The following TLN2 variants were observed in gnomAD, a reference collection of about 807,000 sequenced individuals.
TLN2 encodes the protein talin-2.
In TLN2, 118 loss-of-function variants were observed where a neutral mutation model predicts 294.7. That is an observed-to-expected ratio of 0.40 (90% CI 0.34 to 0.47). TLN2 has a LOEUF of 0.47. Among genes scored for constraint, TLN2 ranks in the 20% least tolerant of loss-of-function variants. The pLI, the probability that TLN2 is intolerant of heterozygous loss-of-function variation, is 0.84. For missense variants in TLN2, 3,083 were observed against 3,282.2 expected (o/e 0.94, Z 1.48); for synonymous variants, 1,431 against 1,304.5 (o/e 1.10, Z -2.09).
At chr15:62,490,163 T>A (rs1349309130) in intron 1 of TLN2, among the ~76,000 whole-genome samples, 1 of 152,244 alleles carries the variant, frequency 6.6e-6, no homozygotes, top group African/African-American at 2.4e-5. Flanking sequence ...TTTACTATTA[T>A]AAGCATTGTT....
chr15:62,731,873 G>A (rs1182196133), intron 28 of TLN2, among the ~76,000 whole-genome samples: 1 of 152,106 alleles, frequency 6.6e-6, no homozygotes, highest in Non-Finnish European at 1.5e-5. Flanking sequence ...ATCACTACAA[G>A]CAAAATCCTC....
intron 1 of TLN2, among the ~76,000 whole-genome samples, chr15:62,491,337 AATATAT>A (rs769670199): frequency 3.1e-4 from 36 of 114,980 alleles, no homozygotes; most frequent in African/African-American, 9.0e-4. Context: ...AAAAAAAAAA[AATATAT>A]ATATATATAC....
intron 44 of TLN2, among the ~76,000 whole-genome samples, chr15:62,782,997 G>A (rs2064315250): frequency 6.6e-6 from 1 of 152,200 alleles, no homozygotes; most frequent in Admixed American, 6.5e-5. Context: ...TCCAGAGGAA[G>A]AGGAAACACT....
rs570869418 is a variant in TLN2, at chr15:62,647,260, C to T, written c.-36-15C>T. 4 of 1,579,720 alleles carry T rather than the reference C, an allele frequency of 2.5e-6. No homozygotes were observed. The African/African-American group carries it at 4.1e-5, about 16-fold the overall frequency. ...TTATCGTGAACATCAGGGTTTGTCTCTTTGTGTTTTCCAGACATTCTAAGT... is the reference window on the plus strand; with the variant it reads ...TTATCGTGAACATCAGGGTTTGTCTTTTTGTGTTTTCCAGACATTCTAAGT... On this transcript the variant is annotated splice_polypyrimidine_tract_variant and intron_variant, in intron 3 of 58. Transcript: ENST00000636159.
intron 57 of TLN2, among the ~76,000 whole-genome samples, 165 bp from the exon 58 acceptor site, chr15:62,838,691 C>T (rs191475569): frequency 9.0e-4 from 134 of 148,652 alleles, no homozygotes; most frequent in Non-Finnish European, 1.6e-3. Context: ...GCAGAATCCA[C>T]GGATGGATGG....
At chr15:62,399,708 C>T (rs2032875784) in intron 1 of TLN2, among the ~76,000 whole-genome samples, 1 of 152,212 alleles carries the variant, frequency 6.6e-6, no homozygotes, top group African/African-American at 2.4e-5. Flanking sequence ...TGCATGGGGC[C>T]TGGAGCCCCT....
intron 22 of TLN2, 104 bp from the exon 23 acceptor site, chr15:62,716,227 T>A (rs917958795): frequency 7.9e-7 from 1 of 1,272,536 alleles, no homozygotes; most frequent in Non-Finnish European, 1.0e-6. Flanking sequence ...CATTTGACTA[T>A]CCTTGCAAAT....
chr15:62,752,235 T>C (rs2140998396), intron 34 of TLN2, 70 bp from the exon 35 acceptor site: 3 of 1,559,796 alleles, frequency 1.9e-6, no homozygotes, highest in South Asian at 2.4e-5. Flanking sequence ...AAAGTTGGAG[T>C]GTAGCCTCCT....
At position 62,550,382 on chromosome 15, in the gene TLN2, T is replaced by C. The variant is rs189156382; in HGVS notation, c.-237-39305T>C. 1.1e-4 allele frequency among the ~76,000 whole-genome samples: 16 copies of C among 152,276 alleles called. No homozygotes were observed. The East Asian group carries it at 2.1e-3, about 20-fold the overall frequency. ...TTCAGGTTCCAAACTTCAAGTGCAA[T>C]TCTTAGTCTGCAAGTCGGCCTCCCA... On this transcript the variant is annotated intron_variant, in intron 1 of 58. Coordinates refer to ENST00000636159, the MANE Select transcript of TLN2 (RefSeq NM_015059.3).
chr15:62,585,785 T>C (rs147594566), intron 1 of TLN2, among the ~76,000 whole-genome samples: 2 of 152,338 alleles, frequency 1.3e-5, no homozygotes, highest in East Asian at 3.9e-4. Flanking sequence ...ATAGGCATTT[T>C]AAACAGGTAG....
chr15:62,766,818 T>C (rs533693163), intron 41 of TLN2, among the ~76,000 whole-genome samples: 122 of 152,270 alleles, frequency 8.0e-4, no homozygotes, highest in African/African-American at 2.8e-3. Context: ...TAAGGGTACA[T>C]TATTCTTTTG....
intron 1 of TLN2, among the ~76,000 whole-genome samples, chr15:62,410,966 A>G (rs1172316580): frequency 2.0e-5 from 3 of 152,154 alleles, no homozygotes; most frequent in African/African-American, 7.2e-5. Context: ...GGGTACATCC[A>G]TGTGCTTGCT....
chr15:62,537,217 G>A (rs982724833), intron 1 of TLN2, among the ~76,000 whole-genome samples: 2 of 151,822 alleles, frequency 1.3e-5, no homozygotes, highest in African/African-American at 2.4e-5. Flanking sequence ...ATGGGGTTTC[G>A]CCGTGTTAGC....
At chr15:62,504,324 G>T (rs1002141092) in intron 1 of TLN2, among the ~76,000 whole-genome samples, 1 of 152,196 alleles carries the variant, frequency 6.6e-6, no homozygotes, top group African/African-American at 2.4e-5. Flanking sequence ...AAATCAACAA[G>T]CTGATTCTAA....
intron 43 of TLN2, among the ~76,000 whole-genome samples, chr15:62,780,886 G>T (rs370440771): frequency 1.9e-4 from 29 of 152,016 alleles, no homozygotes; most frequent in African/African-American, 7.0e-4. Context: ...AAGACTTGGC[G>T]GAAACATCAC....
chr15:62,812,690 G>A lies in TLN2; in HGVS notation c.6771+2658G>A, dbSNP rs150546906. ...TCCCAGTATCCGGGAATGAGGTGTT[G>A]GATCTGCTCAAGTGCTTCCTTTCTT... On this transcript the variant is annotated intron_variant, in intron 52 of 58. Transcript: ENST00000636159. 7.9e-5 allele frequency among the ~76,000 whole-genome samples: 12 copies of A among 152,146 alleles called. 1 individual carries two copies. The highest frequency in any genetic ancestry group is 2.9e-4 in the African/African-American group (12 of 41,536).
intron 11 of TLN2, among the ~76,000 whole-genome samples, chr15:62,675,733 T>C (rs1056843490): frequency 6.6e-6 from 1 of 152,202 alleles, no homozygotes; most frequent in Non-Finnish European, 1.5e-5. Flanking sequence ...TTGTATACTT[T>C]AAGACAGGGC....
chr15:62,655,577 T>C (rs2053113690), intron 7 of TLN2, among the ~76,000 whole-genome samples: 1 of 11,772 alleles, frequency 8.5e-5, no homozygotes, highest in Non-Finnish European at 4.2e-3. Flanking sequence ...TATTATACAT[T>C]CATTGTAGCA....
intron 23 of TLN2, 147 bp downstream of exon 23, chr15:62,716,606 A>C: frequency 1.8e-6 from 2 of 1,129,212 alleles, no homozygotes; most frequent in Non-Finnish European, 2.4e-6. Flanking sequence ...GTACTATAAA[A>C]GCATTGACTC....
Sources: allele counts gnomAD v4.1 joint callset (sites outside exome capture counted in the v4.1 genomes callset), GRCh38; gene constraint gnomAD v4.1.1; transcripts MANE v1.5; gene names NCBI Gene and HGNC (gene_info 2026-07-23, HGNC 2026-07-21).